The following BMP1 variants were observed in gnomAD, a reference collection of about 807,000 sequenced individuals.
BMP1 encodes mammalian tolloid protein.
BMP1 carries 63 observed loss-of-function variants against 116.8 expected under a neutral mutation model. The ratio of observed to expected loss-of-function variants is 0.54; its 90% CI spans 0.44 to 0.67. The LOEUF (loss-of-function observed/expected upper bound fraction) is 0.67. BMP1 is among the 30% of genes least tolerant of loss of function. The probability of loss-of-function intolerance (pLI) is 0.00; values close to 1 mark genes in which losing one functional copy is unlikely to be tolerated. For missense variants in BMP1, 1,183 were observed against 1,358.9 expected, an observed-to-expected ratio of 0.87 and a Z score of 2.04; for synonymous variants, 536 against 533.4, an observed-to-expected ratio of 1.00 and a Z score of -0.07.
intron 18 of BMP1, among the ~76,000 whole-genome samples, chr8:22,208,666 A>C (rs1829408403): frequency 6.6e-6 from 1 of 152,238 alleles, no homozygotes; most frequent in South Asian, 2.1e-4. Context: ...ATGTGGCTGC[A>C]GAGAAAGGCT....
chr8:22,198,089 G>T (rs1240361956), intron 15 of BMP1, among the ~76,000 whole-genome samples: 1 of 152,188 alleles, frequency 6.6e-6, no homozygotes, highest in Non-Finnish European at 1.5e-5. Flanking sequence ...GGAGGCTGAG[G>T]TAGGAGGATT....
At chr8:22,205,602 C>A (rs979299085) in intron 16 of BMP1, among the ~76,000 whole-genome samples, 7 of 151,894 alleles carry the variant, frequency 4.6e-5, no homozygotes, top group Non-Finnish European at 8.8e-5. Context: ...TAGTGAGACC[C>A]CATCTCTACA....
At chr8:22,186,817 A>G (rs914809595) in intron 8 of BMP1, among the ~76,000 whole-genome samples, 1 of 152,078 alleles carries the variant, frequency 6.6e-6, no homozygotes, top group African/African-American at 2.4e-5. Context: ...CAAGGGGGAT[A>G]CTATCAAGTT....
intron 8 of BMP1, among the ~76,000 whole-genome samples, chr8:22,190,549 C>A (rs1459907531): frequency 1.3e-5 from 2 of 152,154 alleles, no homozygotes; most frequent in Admixed American, 6.5e-5. Context: ...GCCTGCACGG[C>A]GTGACGTGTT....
intron 19 of BMP1, among the ~76,000 whole-genome samples, chr8:22,210,970 G>A (rs1374334153): frequency 1.3e-5 from 2 of 152,266 alleles, no homozygotes; most frequent in Non-Finnish European, 2.9e-5. Flanking sequence ...CCGATGCTCT[G>A]AGGGCTGACC....
In BMP1 at chr8:22,176,536, G is replaced by T. The variant is rs1828440242; in HGVS notation, c.437G>T (p.Ser146Ile). ...CTGGCTTCCTTCCTCCTGGCAGGTA[G>T]CCAGAGGGCAGTCTTCCGGCAGGCC... is the stretch of plus-strand genomic sequence containing the variant. ...PFVIGGNFTG[S>I]QRAVFRQAMR... is the part of the protein sequence containing the mutation. Residue 146 changes from serine (S) to isoleucine (I), a missense_variant, in exon 4 of 20, where the codon AGC becomes ATC. Ser to Ile is a moderately radical substitution (Grantham distance 142). Transcript: ENST00000306385. 1 of 1,614,018 alleles carries T rather than the reference G, an allele frequency of 6.2e-7. No homozygotes were observed. The highest frequency in any genetic ancestry group is 1.3e-5 in the African/African-American group (1 of 74,932).
intron 15 of BMP1, among the ~76,000 whole-genome samples, chr8:22,197,985 G>A (rs1441816341): frequency 1.3e-5 from 2 of 152,196 alleles, no homozygotes; most frequent in African/African-American, 4.8e-5. Context: ...AGGAGTTCAA[G>A]ACCAGCCTAG....
chr8:22,165,411 C>A lies in BMP1; in HGVS notation c.6C>A (p.Pro2=), dbSNP rs755312924. Residue 2 remains proline, a synonymous_variant, in exon 1 of 20, where the codon CCC becomes CCA. Transcript: ENST00000306385. Reference sequence around the variant, plus strand: ...CTCGCCGCCGCCCCGCCAGCATGCCCGGCGTGGCCCGCCTGCCGCTGCTGC... The same window carrying A: ...CTCGCCGCCGCCCCGCCAGCATGCCAGGCGTGGCCCGCCTGCCGCTGCTGC... M[P]GVARLPLLLG... The A allele has an allele frequency of 2.6e-6, 4 of 1,511,074 alleles. No individual in the cohort carries two copies. In the South Asian group the frequency reaches 3.8e-5, roughly 14 times the overall value. The allele number at this position is 1,511,074 out of a possible 1,614,324, so 93.6% of individuals were successfully genotyped here. A position where few individuals can be genotyped will look rare whatever the true frequency, so the allele number is the denominator to read the frequency against.
Position 22,179,557 on chromosome 8 carries a change from G to T in BMP1, c.837-148G>T. On this transcript the variant is annotated intron_variant, in intron 6 of 19. Coordinates refer to ENST00000306385, the MANE Select transcript of BMP1 (RefSeq NM_006129.5). The surrounding 1 kb of genome is among the most constrained non-coding windows in gnomAD (Gnocchi z 4.6). ...TGGTCAGTGGGTAGCATAATGACAG[G>T]GTGAGACGACTCCACCCGGCCCTGA... 1 of 1,376,678 alleles carries T rather than the reference G, an allele frequency of 7.3e-7. No homozygotes were observed. The highest frequency in any genetic ancestry group is 1.3e-5 in the South Asian group (1 of 75,122). 85.3% of individuals were successfully genotyped at this position (1,376,678 alleles called of 1,614,324 possible). A position where few individuals can be genotyped will look rare whatever the true frequency, so the allele number is the denominator to read the frequency against.
Position 22,165,572 on chromosome 8 carries a change from C to A in BMP1, c.148+19C>A. The A allele has an allele frequency of 6.4e-7, 1 of 1,569,552 alleles. No individual in the cohort carries two copies. The highest frequency in any genetic ancestry group is 2.5e-5 in the East Asian group (1 of 40,090). On this transcript the variant is annotated intron_variant, in intron 1 of 19. Transcript: ENST00000306385. ...AAGGCGGGTGAGCGCCCCCCGGCCC[C>A]CCGGCGACGGGCCAGGCGGGGAGGC...
intron 19 of BMP1, among the ~76,000 whole-genome samples, chr8:22,210,974 G>A (rs1298216563): frequency 6.6e-6 from 1 of 152,230 alleles, no homozygotes; most frequent in Non-Finnish European, 1.5e-5. Context: ...TGCTCTGAGG[G>A]CTGACCTCAC....
intron 1 of BMP1, among the ~76,000 whole-genome samples, chr8:22,172,084 G>T (rs1828294370): frequency 6.6e-6 from 1 of 152,238 alleles, no homozygotes; most frequent in Non-Finnish European, 1.5e-5. Flanking sequence ...GTGTTCACCA[G>T]TGAGGCCAAC....
intron 1 of BMP1, chr8:22,170,026 A>C (rs1347703131): frequency 2.0e-5 from 3 of 152,372 alleles, no homozygotes; most frequent in African/African-American, 4.8e-5. Context: ...GGCAGCCCAA[A>C]AGCACAGAGC....
intron 8 of BMP1, among the ~76,000 whole-genome samples, chr8:22,191,700 C>T (rs1173640284): frequency 2.6e-5 from 4 of 152,252 alleles, no homozygotes; most frequent in African/African-American, 9.6e-5. Context: ...TTCAGACCCT[C>T]CAGTACCCTC....
At chr8:22,210,907 C>T (rs1024952734) in intron 19 of BMP1, among the ~76,000 whole-genome samples, 3 of 152,230 alleles carry the variant, frequency 2.0e-5, no homozygotes, top group Non-Finnish European at 2.9e-5. Flanking sequence ...GGAATGTCCT[C>T]AAGGTTCTCA....
chr8:22,199,088 C>T (rs766974821), intron 15 of BMP1: 3 of 1,367,044 alleles, frequency 2.2e-6, no homozygotes, highest in Non-Finnish European at 2.0e-6. Context: ...TGCCCCCATG[C>T]CCTGGTCGAC....
chr8:22,165,458 G>A lies in BMP1; in HGVS notation c.53G>A (p.Arg18His), dbSNP rs751470938. 8.2e-6 allele frequency: 13 copies of A among 1,579,842 alleles called. No individual in the cohort carries two copies. The East Asian group carries it at 2.7e-4, about 33-fold the overall frequency. Residue 18 changes from arginine (R) to histidine (H), a missense_variant, in exon 1 of 20, where the codon CGT (arginine) becomes CAT (histidine). Coordinates refer to ENST00000306385, the MANE Select transcript of BMP1 (RefSeq NM_006129.5). ...CTGCTCGGGCTGCTGCTGCTCCCGC[G>A]TCCCGGCCGGCCGCTGGACTTGGCC... Reference protein sequence around the residue: ...PLLLGLLLLPRPGRPLDLADY... With the variant: ...PLLLGLLLLPHPGRPLDLADY...
intron 2 of BMP1, among the ~76,000 whole-genome samples, chr8:22,174,627 C>CTTTTTTTTTT (rs57781366): frequency 9.4e-6 from 1 of 106,286 alleles, no homozygotes; most frequent in Non-Finnish European, 1.9e-5. Context: ...TTTTTTCTGT[C>CTTTTTTTTTT]TTTTTTTTTT....
intron 8 of BMP1, among the ~76,000 whole-genome samples, chr8:22,187,238 G>T (rs993898853): frequency 6.6e-6 from 1 of 151,982 alleles, no homozygotes; most frequent in Non-Finnish European, 1.5e-5. Flanking sequence ...TGATCTGCCC[G>T]CCTGGGCCTC....
Sources: allele counts gnomAD v4.1 joint callset (sites outside exome capture counted in the v4.1 genomes callset), GRCh38; gene constraint gnomAD v4.1.1; non-coding constraint Gnocchi (gnomAD v3.1); transcripts MANE v1.5; gene names NCBI Gene and HGNC (gene_info 2026-07-23, HGNC 2026-07-21).